STXBP5L: variants seen among roughly 807,000 people sequenced by gnomAD.
STXBP5L encodes the protein syntaxin-binding protein 5-like.
Under a neutral mutation model 144.5 loss-of-function variants are expected in STXBP5L, and 65 were observed. The ratio of observed to expected loss-of-function variants is 0.45; its 90% CI spans 0.37 to 0.55. STXBP5L has a LOEUF of 0.55. Ranked by LOEUF, STXBP5L falls within the 20% of genes least tolerant of loss-of-function variation. The pLI is 0.00. For missense variants in STXBP5L, 1,298 were observed against 1,405.5 expected (o/e 0.92, Z 1.22); for synonymous variants, 505 against 469.6 (o/e 1.08, Z -0.97).
At chr3:121,181,639 C>A (rs1024941573) in intron 9 of STXBP5L, among the ~76,000 whole-genome samples, 1 of 151,516 alleles carries the variant, frequency 6.6e-6, no homozygotes, top group Non-Finnish European at 1.5e-5. Flanking sequence ...GAGGATGAGG[C>A]AGGAGAATTG....
chr3:121,154,796 C>G (rs988639989), intron 8 of STXBP5L, among the ~76,000 whole-genome samples: 3 of 151,488 alleles, frequency 2.0e-5, no homozygotes, highest in Non-Finnish European at 4.4e-5. Context: ...AATATCTAAA[C>G]CTCCTTCTAT....
At position 121,223,157 on chromosome 3, in the gene STXBP5L, GGTAA is replaced by G. The variant is rs1370000538; in HGVS notation, c.1111+5_1111+8del. On this transcript the variant is annotated splice_donor_variant and splice_donor_region_variant and intron_variant, in intron 11 of 26. Transcript: ENST00000471454. LOFTEE classifies it high-confidence loss of function. The stretch of plus-strand genomic sequence containing the variant: ...TTTATGTGAAACGCCCTATCCAAAT[GGTAA>G]GTAACTAAAATGAAACTATTAATGT... The G allele has an allele frequency of 1.3e-6, 2 of 1,579,040 alleles. No homozygotes were observed. Among genetic ancestry groups the G allele is most frequent in the Admixed American group, 2.0e-5 (1 of 50,134 alleles).
intron 20 of STXBP5L, among the ~76,000 whole-genome samples, chr3:121,318,938 C>A (rs2043878344): frequency 6.6e-6 from 1 of 151,996 alleles, no homozygotes; most frequent in Non-Finnish European, 1.5e-5. Context: ...TTCCTCTAGA[C>A]CACAGTTTGG....
At chr3:121,413,356 T>C (rs777213273) in intron 24 of STXBP5L, 33 bp downstream of exon 24, 2 of 1,488,720 alleles carry the variant, frequency 1.3e-6, no homozygotes, top group South Asian at 2.9e-5. Flanking sequence ...GAAAAAGACA[T>C]TGGACATGGT....
intron 5 of STXBP5L, among the ~76,000 whole-genome samples, chr3:121,049,159 C>T (rs73187498): frequency 6.6e-6 from 1 of 152,086 alleles, no homozygotes; most frequent in Non-Finnish European, 1.5e-5. Flanking sequence ...ATGTAGAAAA[C>T]AGTCTGCTGC....
intron 3 of STXBP5L, among the ~76,000 whole-genome samples, chr3:120,998,021 A>G (rs937034994): frequency 1.3e-5 from 2 of 152,218 alleles, no homozygotes; most frequent in Admixed American, 6.5e-5. Context: ...AGCTTTCTAT[A>G]CAATTCAAGA....
chr3:121,186,935 G>T (rs1259201201), intron 9 of STXBP5L, among the ~76,000 whole-genome samples: 2 of 152,158 alleles, frequency 1.3e-5, no homozygotes, highest in East Asian at 3.9e-4. Context: ...AGAGGATGTG[G>T]AGAAATAGGA....
chr3:121,314,625 G>T (rs1461006742), intron 19 of STXBP5L, among the ~76,000 whole-genome samples: 5 of 150,948 alleles, frequency 3.3e-5, no homozygotes, highest in South Asian at 4.2e-4. Context: ...GAGGGAGAGG[G>T]AGAGGGAGAG....
intron 3 of STXBP5L, among the ~76,000 whole-genome samples, chr3:120,996,639 G>C (rs1490169285): frequency 1.3e-5 from 2 of 152,040 alleles, no homozygotes; most frequent in Non-Finnish European, 2.9e-5. Context: ...GGCACTGGTA[G>C]CCACCATTTT....
At chr3:120,961,796 G>A (rs145757655) in intron 3 of STXBP5L, among the ~76,000 whole-genome samples, 56 of 152,222 alleles carry the variant, frequency 3.7e-4, no homozygotes, top group African/African-American at 1.2e-3. Context: ...CCCAGTAATG[G>A]GATGGCTGGG....
chr3:121,049,068 G>T (rs951432437), intron 5 of STXBP5L, among the ~76,000 whole-genome samples: 1 of 151,846 alleles, frequency 6.6e-6, no homozygotes, highest in Non-Finnish European at 1.5e-5. Flanking sequence ...GCTGCTACTA[G>T]CCTGAGAGCC....
intron 19 of STXBP5L, among the ~76,000 whole-genome samples, chr3:121,299,924 G>A (rs563157332): frequency 6.8e-6 from 1 of 147,986 alleles, no homozygotes; most frequent in African/African-American, 2.5e-5. Context: ...AGGTTGCAGT[G>A]AGCCATGATT....
intron 22 of STXBP5L, among the ~76,000 whole-genome samples, chr3:121,385,433 A>G (rs911385107): frequency 6.6e-6 from 1 of 152,222 alleles, no homozygotes; most frequent in Non-Finnish European, 1.5e-5. Flanking sequence ...GATGGCGCTA[A>G]GCCATTCATT....
intron 10 of STXBP5L, among the ~76,000 whole-genome samples, chr3:121,212,041 G>T (rs150104141): frequency 6.6e-6 from 1 of 151,922 alleles, no homozygotes; most frequent in African/African-American, 2.4e-5. Flanking sequence ...CATATACTTC[G>T]CCAACTTTTA....
chr3:121,032,671 A>C (rs1946456943), intron 3 of STXBP5L, among the ~76,000 whole-genome samples: 1 of 118,250 alleles, frequency 8.5e-6, no homozygotes, highest in East Asian at 2.4e-4. Flanking sequence ...CAACCTACTC[A>C]TCTGACAAAG....
At chr3:121,094,911 T>C (rs1046290969) in intron 5 of STXBP5L, among the ~76,000 whole-genome samples, 4 of 152,208 alleles carry the variant, frequency 2.6e-5, no homozygotes, top group Non-Finnish European at 5.9e-5. Flanking sequence ...CGGCTGGTAC[T>C]GGTTGTTCCT....
chr3:121,133,286 A>G (rs1042045891), intron 7 of STXBP5L, among the ~76,000 whole-genome samples: 3 of 152,176 alleles, frequency 2.0e-5, no homozygotes, highest in Non-Finnish European at 2.9e-5. Context: ...AGCCCAAAGA[A>G]CACCAAATAA....
intron 5 of STXBP5L, among the ~76,000 whole-genome samples, chr3:121,087,938 T>C (rs1298806559): frequency 2.0e-5 from 3 of 152,146 alleles, no homozygotes; most frequent in Non-Finnish European, 4.4e-5. Context: ...CAGAGACTTT[T>C]CCTTTCTTTA....
chr3:120,977,427 C>T (rs1941192345), intron 3 of STXBP5L, among the ~76,000 whole-genome samples: 1 of 152,022 alleles, frequency 6.6e-6, no homozygotes, highest in African/African-American at 2.4e-5. Flanking sequence ...TTATTTTGAG[C>T]CTATATCTGT....
Sources: allele counts gnomAD v4.1 joint callset (sites outside exome capture counted in the v4.1 genomes callset), GRCh38; gene constraint gnomAD v4.1.1; transcripts MANE v1.5; gene names NCBI Gene and HGNC (gene_info 2026-07-23, HGNC 2026-07-21).